Variants in UNC5C observed in about 807,000 individuals in gnomAD.
UNC5C encodes the protein unc-5 netrin receptor C.
In UNC5C, 47 loss-of-function variants were observed where a neutral mutation model predicts 99.8. The observed-to-expected ratio is 0.47, with a 90% CI of 0.37 to 0.60. The LOEUF (loss-of-function observed/expected upper bound fraction) is 0.60. Among genes scored for constraint, UNC5C ranks in the 20% least tolerant of loss-of-function variants. The pLI, the probability that UNC5C is intolerant of heterozygous loss-of-function variation, is 0.00. For synonymous variants in UNC5C, 487 were observed against 452.2 expected (o/e 1.08, Z -0.98); for missense variants, 1,062 against 1,165.9 (o/e 0.91, Z 1.30).
chr4:95,298,526 C>T (rs962153059), intron 3 of UNC5C, among the ~76,000 whole-genome samples: 1 of 152,060 alleles, frequency 6.6e-6, no homozygotes, highest in African/African-American at 2.4e-5. Context: ...TTGTGCCAGC[C>T]GCTGTCCCCT....
rs754142289 is a variant in UNC5C, at chr4:95,167,371, T to C, written c.*1863A>G. The C allele has an allele frequency of 2.2e-4, 34 of 152,172 alleles. No individual in the cohort carries two copies. The highest frequency in any genetic ancestry group is 1.0e-3 in the Admixed American group (16 of 15,284). The allele number at this position is 152,172 out of a possible 1,614,324, so 9.4% of individuals were successfully genotyped here. Reference sequence around the variant, plus strand: ...TGGTCCCAAGGAAACATAATAGTTGTTTACACAAAGTAGTGTGTTGACTAA... The same window carrying C: ...TGGTCCCAAGGAAACATAATAGTTGCTTACACAAAGTAGTGTGTTGACTAA... On this transcript the variant is annotated 3_prime_UTR_variant, in exon 16 of 16. Coordinates refer to ENST00000453304, the MANE Select transcript of UNC5C (RefSeq NM_003728.4).
At chr4:95,169,762 C>T (rs1018760265) in intron 15 of UNC5C, among the ~76,000 whole-genome samples, 11 of 151,130 alleles carry the variant, frequency 7.3e-5, no homozygotes, top group South Asian at 2.1e-4. Context: ...ACAAAGTAGA[C>T]GCTCCAGAGG....
rs73838210 is a variant in UNC5C, at chr4:95,406,308, A to G, written c.125-70677T>C. On this transcript the variant is annotated intron_variant, in intron 1 of 15. Transcript: ENST00000453304. ...TCTGTAGCAGTGCTTCATCTGCACT[A>G]ATGTTGGGTTGGGTGAGCAGTGCCC... Among the ~76,000 whole-genome samples, 216 of 152,212 alleles carry G rather than the reference A, an allele frequency of 1.4e-3. 1 individual carries two copies. Among genetic ancestry groups the G allele is most frequent in the African/African-American group, 5.1e-3 (210 of 41,546 alleles).
chr4:95,469,505 T>C (rs1747899635), intron 1 of UNC5C, among the ~76,000 whole-genome samples: 1 of 152,164 alleles, frequency 6.6e-6, no homozygotes, highest in Non-Finnish European at 1.5e-5. Flanking sequence ...AAGATAAAAA[T>C]GTATTTTGCA....
At chr4:95,458,341 T>G (rs1747502905) in intron 1 of UNC5C, among the ~76,000 whole-genome samples, 1 of 151,986 alleles carries the variant, frequency 6.6e-6, no homozygotes, top group Admixed American at 6.6e-5. Context: ...TTAATAGAAT[T>G]TTGCTGAATA....
At position 95,206,617 on chromosome 4, in the gene UNC5C, C is replaced by G; in HGVS notation, c.1902+11G>C. ...TTCTTGCATAGCATCTTTATCCCGA[C>G]AGCAGCTCACCTCCCACTGTCCCTG... On this transcript the variant is annotated intron_variant, in intron 11 of 15. Coordinates refer to ENST00000453304, the MANE Select transcript of UNC5C (RefSeq NM_003728.4). The G allele has an allele frequency of 6.2e-7, 1 of 1,614,030 alleles. No individual in the cohort carries two copies. Among genetic ancestry groups the G allele is most frequent in the Non-Finnish European group, 8.5e-7 (1 of 1,179,972 alleles).
At chr4:95,179,639 C>G (rs1736523230) in intron 14 of UNC5C, among the ~76,000 whole-genome samples, 1 of 150,114 alleles carries the variant, frequency 6.7e-6, no homozygotes. Flanking sequence ...CCCAGCTACT[C>G]AGGAGGCTGA....
chr4:95,499,157 G>C (rs1044274434), intron 1 of UNC5C, among the ~76,000 whole-genome samples: 5 of 152,044 alleles, frequency 3.3e-5, no homozygotes, highest in African/African-American at 1.2e-4. Context: ...CTTCCAACTT[G>C]AGAAAAGGTT....
chr4:95,509,319 A>G (rs1327338042), intron 1 of UNC5C, among the ~76,000 whole-genome samples: 1 of 151,800 alleles, frequency 6.6e-6, no homozygotes, highest in East Asian at 1.9e-4. Flanking sequence ...TACAGACTAA[A>G]GTTTTGATTC....
chr4:95,245,529 T>TA (rs1553957321), intron 5 of UNC5C, among the ~76,000 whole-genome samples: 1 of 152,162 alleles, frequency 6.6e-6, no homozygotes, highest in Non-Finnish European at 1.5e-5. Context: ...AGTCAATCTA[T>TA]AGCATGGGAA....
chr4:95,169,229 G>A lies in UNC5C; in HGVS notation c.*5C>T, dbSNP rs759969275. ...TGTCCTTCATTTCCCCTTCCAGCAT[G>A]GTGGTTAATACTGCCCTTCTGCTGC... is the stretch of plus-strand genomic sequence containing the variant. On this transcript the variant is annotated 3_prime_UTR_variant, in exon 16 of 16. Transcript: ENST00000453304. 2 of 1,613,362 alleles carry A rather than the reference G, an allele frequency of 1.2e-6. No individual in the cohort carries two copies. Among genetic ancestry groups the A allele is most frequent in the Admixed American group, 1.7e-5 (1 of 59,998 alleles).
intron 1 of UNC5C, among the ~76,000 whole-genome samples, chr4:95,345,477 A>G (rs1450551195): frequency 6.6e-6 from 1 of 152,022 alleles, no homozygotes; most frequent in Non-Finnish European, 1.5e-5. Context: ...AAGAAACATC[A>G]GACTTAATCT....
At chr4:95,302,657 C>T (rs1432691001) in intron 2 of UNC5C, among the ~76,000 whole-genome samples, 1 of 152,144 alleles carries the variant, frequency 6.6e-6, no homozygotes. Flanking sequence ...CAGAACACCC[C>T]TAGGGAGGAG....
At chr4:95,239,203 G>A (rs1421635890) in intron 7 of UNC5C, among the ~76,000 whole-genome samples, 1 of 152,164 alleles carries the variant, frequency 6.6e-6, no homozygotes, top group African/African-American at 2.4e-5. Context: ...TGTTTGCTCT[G>A]CTGGTGTCCT....
At chr4:95,359,587 C>A (rs1003171368) in intron 1 of UNC5C, among the ~76,000 whole-genome samples, 2 of 151,628 alleles carry the variant, frequency 1.3e-5, no homozygotes, top group African/African-American at 4.8e-5. Flanking sequence ...TGGGACGCAA[C>A]TTTTTAAAGC....
chr4:95,530,520 G>T (rs1329753490), intron 1 of UNC5C, among the ~76,000 whole-genome samples: 5 of 152,136 alleles, frequency 3.3e-5, no homozygotes, highest in Non-Finnish European at 7.4e-5. Flanking sequence ...TGTTTTGTTG[G>T]CTTTCTTTAG....
chr4:95,343,455 G>C (rs534069201), intron 1 of UNC5C, among the ~76,000 whole-genome samples: 2 of 152,066 alleles, frequency 1.3e-5, no homozygotes, highest in Admixed American at 1.3e-4. Flanking sequence ...GTGTTACTGG[G>C]CTTGGGATGC....
intron 14 of UNC5C, among the ~76,000 whole-genome samples, 183 bp from the exon 15 acceptor site, chr4:95,170,515 A>C (rs1736053884): frequency 6.6e-6 from 1 of 152,194 alleles, no homozygotes; most frequent in South Asian, 2.1e-4. Context: ...AACCTGGCTC[A>C]GAGATAGAGG....
At chr4:95,210,084 A>G (rs1738025017) in intron 10 of UNC5C, among the ~76,000 whole-genome samples, 1 of 152,064 alleles carries the variant, frequency 6.6e-6, no homozygotes, top group Non-Finnish European at 1.5e-5. Flanking sequence ...CAGAAGGGAG[A>G]AGGCTCCCTG....
Sources: gnomAD v4.1 joint callset for allele counts (sites outside exome capture counted in the v4.1 genomes callset) on GRCh38, gnomAD v4.1.1 for gene constraint, MANE v1.5 for transcripts, NCBI Gene and HGNC (gene_info 2026-07-23, HGNC 2026-07-21) for gene names.